Variants in ZNF536 observed in about 807,000 individuals in gnomAD.
ZNF536 encodes the protein zinc finger protein 536.
A neutral mutation model predicts 84.5 loss-of-function variants in ZNF536; 13 were observed. That is an observed-to-expected ratio of 0.15 (90% CI 0.10 to 0.24). The LOEUF is 0.24. Ranked by LOEUF, ZNF536 falls within the 10% of genes least tolerant of loss-of-function variation. The probability of loss-of-function intolerance (pLI) is 1.00; values close to 1 mark genes in which losing one functional copy is unlikely to be tolerated. For synonymous variants in ZNF536, 811 were observed against 742.5 expected (o/e 1.09, Z -1.50); for missense variants, 1,536 against 1,747.5 (o/e 0.88, Z 2.16).
chr19:30,522,874 A>G (rs1219118300), intron 2 of ZNF536, among the ~76,000 whole-genome samples: 2 of 152,222 alleles, frequency 1.3e-5, no homozygotes, highest in Non-Finnish European at 2.9e-5. Context: ...ATAGGTATAT[A>G]TATTTTAAAC....
chr19:30,322,017 G>T (rs972734732), intron 2 of ZNF536, among the ~76,000 whole-genome samples: 3 of 151,980 alleles, frequency 2.0e-5, no homozygotes, highest in Non-Finnish European at 4.4e-5. Context: ...CTCGTGATCC[G>T]CCTGCCTTGG....
At chr19:30,611,098 A>G (rs1326298952) in intron 1 of ZNF536, among the ~76,000 whole-genome samples, 3 of 152,200 alleles carry the variant, frequency 2.0e-5, no homozygotes, top group East Asian at 3.9e-4. Context: ...GGATAGGGTT[A>G]GGAGAGGGGG....
chr19:30,615,682 G>A (rs2048269410), intron 1 of ZNF536, among the ~76,000 whole-genome samples: 1 of 152,106 alleles, frequency 6.6e-6, no homozygotes, highest in African/African-American at 2.4e-5. Flanking sequence ...GCAGGGGGAG[G>A]AGAAGGTAAA....
intron 1 of ZNF536, among the ~76,000 whole-genome samples, chr19:30,678,712 C>CTCCT (rs2050847609): frequency 6.6e-6 from 1 of 150,412 alleles, no homozygotes; most frequent in Non-Finnish European, 1.5e-5. Context: ...TTCCTCGGAG[C>CTCCT]TCCTTGGTAC....
intron 2 of ZNF536, among the ~76,000 whole-genome samples, chr19:30,491,674 A>T (rs1182369048): frequency 6.6e-6 from 1 of 152,120 alleles, no homozygotes; most frequent in Non-Finnish European, 1.5e-5. Flanking sequence ...ACTAACAAAA[A>T]ATTCTTTTGA....
chr19:30,695,308 G>C (rs2051610515), intron 1 of ZNF536, among the ~76,000 whole-genome samples: 1 of 152,200 alleles, frequency 6.6e-6, no homozygotes, highest in African/African-American at 2.4e-5. Flanking sequence ...TGAACCCCCA[G>C]AAAGAGGTCC....
intron 4 of ZNF536, chr19:30,554,096 C>G (rs1014466334): frequency 6.6e-6 from 1 of 150,546 alleles, no homozygotes; most frequent in Non-Finnish European, 1.5e-5. Context: ...CCCCCCCCTC[C>G]CAAGAATTCG....
chr19:30,475,205 C>T (rs956871978), intron 2 of ZNF536, among the ~76,000 whole-genome samples: 12 of 152,100 alleles, frequency 7.9e-5, no homozygotes, highest in African/African-American at 2.9e-4. Flanking sequence ...CTCAGCCTCC[C>T]GAGTAGCTGG....
At chr19:30,356,283 C>A (rs1344971494) in intron 3 of ZNF536, among the ~76,000 whole-genome samples, 2 of 152,156 alleles carry the variant, frequency 1.3e-5, no homozygotes, top group Admixed American at 1.3e-4. Flanking sequence ...CCTATAGAAC[C>A]CTCCTTTTAT....
At chr19:30,338,383 GTGA>G (rs1352830128) in intron 2 of ZNF536, among the ~76,000 whole-genome samples, 2 of 151,616 alleles carry the variant, frequency 1.3e-5, no homozygotes, top group African/African-American at 2.4e-5. Flanking sequence ...AATAATGGTG[GTGA>G]TGATGGTGGT....
chr19:30,644,881 C>T (rs1442809711), intron 1 of ZNF536, among the ~76,000 whole-genome samples: 1 of 152,026 alleles, frequency 6.6e-6, no homozygotes, highest in Non-Finnish European at 1.5e-5. Flanking sequence ...GGGTATATAC[C>T]CAGTAATGGG....
intron 2 of ZNF536, among the ~76,000 whole-genome samples, chr19:30,513,757 A>G (rs1180508278): frequency 2.0e-5 from 3 of 152,104 alleles, no homozygotes; most frequent in Non-Finnish European, 4.4e-5. Flanking sequence ...GGTGGTCACA[A>G]CCAACTTGTT....
At chr19:30,257,283 T>C (rs1022588896) in intron 1 of ZNF536, among the ~76,000 whole-genome samples, 1 of 152,226 alleles carries the variant, frequency 6.6e-6, no homozygotes, top group Non-Finnish European at 1.5e-5. Flanking sequence ...TGCGGAAGAC[T>C]TTAATGTTGA....
intron 1 of ZNF536, among the ~76,000 whole-genome samples, chr19:30,588,957 A>G (rs1207662610): frequency 3.3e-5 from 5 of 152,228 alleles, no homozygotes; most frequent in Admixed American, 1.3e-4. Flanking sequence ...CATGTTTTGG[A>G]AACATTGGGA....
chr19:30,663,965 A>G (rs917387330), intron 1 of ZNF536, among the ~76,000 whole-genome samples: 5 of 152,184 alleles, frequency 3.3e-5, no homozygotes, highest in African/African-American at 1.2e-4. Flanking sequence ...AAGTAGGCAT[A>G]TGGCTGTCTC....
intron 1 of ZNF536, among the ~76,000 whole-genome samples, chr19:30,407,969 G>T (rs531950502): frequency 1.1e-4 from 16 of 152,246 alleles, no homozygotes; most frequent in African/African-American, 3.8e-4. Flanking sequence ...GAGGAAAGTG[G>T]CCGTCATGAA....
chr19:30,553,695 C>A (rs544442020), intron 4 of ZNF536, among the ~76,000 whole-genome samples: 1 of 152,168 alleles, frequency 6.6e-6, no homozygotes, highest in Non-Finnish European at 1.5e-5. Context: ...GCAGGCACTG[C>A]GGCTCACACC....
chr19:30,659,950 A>G (rs4325685), intron 1 of ZNF536, among the ~76,000 whole-genome samples: 10,683 of 97,904 alleles, frequency 0.11, 674 homozygotes, highest in African/African-American at 0.32. Flanking sequence ...GTTTGACACA[A>G]GGGTGTGTGT....
chr19:30,433,129 G>A (rs903666814), intron 1 of ZNF536, among the ~76,000 whole-genome samples: 7 of 152,120 alleles, frequency 4.6e-5, no homozygotes, highest in Non-Finnish European at 7.4e-5. Context: ...TATACATTTT[G>A]TACATGCTGA....
Sources: allele counts gnomAD v4.1 joint callset (sites outside exome capture counted in the v4.1 genomes callset), GRCh38; gene constraint gnomAD v4.1.1; transcripts MANE v1.5; gene names NCBI Gene and HGNC (gene_info 2026-07-23, HGNC 2026-07-21).